The following UBASH3B variants were observed in gnomAD, a reference collection of about 807,000 sequenced individuals.
UBASH3B encodes ubiquitin associated and SH3 domain containing B, also known as ubiquitin-associated and SH3 domain-containing protein B.
Under a neutral mutation model 83.4 loss-of-function variants are expected in UBASH3B, and 37 were observed. The observed-to-expected ratio is 0.44, with a 90% CI of 0.34 to 0.58. UBASH3B has a LOEUF of 0.58. UBASH3B is among the 20% of genes least tolerant of loss of function. The pLI is 0.01. For synonymous variants in UBASH3B, 304 were observed against 318.3 expected, an observed-to-expected ratio of 0.96 and a Z score of 0.48; for missense variants, 657 against 827.2, an observed-to-expected ratio of 0.79 and a Z score of 2.52.
chr11:122,805,537 A>G (rs558766843), intron 11 of UBASH3B, among the ~76,000 whole-genome samples: 85 of 152,352 alleles, frequency 5.6e-4, no homozygotes, highest in Non-Finnish European at 9.3e-4. Flanking sequence ...AATCTCAAAA[A>G]TAAAACAACA....
chr11:122,666,952 C>T (rs747972118), intron 1 of UBASH3B, among the ~76,000 whole-genome samples: 7 of 151,846 alleles, frequency 4.6e-5, no homozygotes, highest in Non-Finnish European at 7.4e-5. Context: ...AAGGGGATTA[C>T]CCCAAATCAC....
chr11:122,783,218 A>T lies in UBASH3B; in HGVS notation c.767A>T (p.His256Leu). ...TCTCGGGATATCCGATTTGCTAACC[A>T]TGAGGTAATGTCTCACTGTGGTTCC... Reference protein sequence around the residue: ...IFSRDIRFANHETLQVIYPYT... With the variant: ...IFSRDIRFANLETLQVIYPYT... The change falls in exon 5 of 14, where the codon CAT becomes CTT. Residue 256 changes from histidine (H) to leucine (L), a missense_variant. This residue lies in a region of UBASH3B where 573 missense variants were observed against 739.0 expected (regional missense o/e 0.78). Transcript: ENST00000284273. The T allele has an allele frequency of 6.2e-7, 1 of 1,613,584 alleles. No individual in the cohort carries two copies. Among genetic ancestry groups the T allele is most frequent in the Non-Finnish European group, 8.5e-7 (1 of 1,179,688 alleles).
At chr11:122,722,841 G>T (rs151171245) in intron 1 of UBASH3B, among the ~76,000 whole-genome samples, 1 of 152,018 alleles carries the variant, frequency 6.6e-6, no homozygotes, top group Non-Finnish European at 1.5e-5. Flanking sequence ...GAGTAGCTGG[G>T]ACTACAGGTG....
chr11:122,768,539 T>A (rs894390422), intron 1 of UBASH3B, among the ~76,000 whole-genome samples: 2 of 151,348 alleles, frequency 1.3e-5, no homozygotes, highest in African/African-American at 4.9e-5. Context: ...TGAGCCTCAC[T>A]CTATCGCCCA....
rs141582950 is a variant in UBASH3B at position 122,798,853 on chromosome 11, A to T, written c.1358-89A>T. 4.1e-4 allele frequency: 398 copies of T among 966,016 alleles called. No individual in the cohort carries two copies. In the African/African-American group the frequency reaches 6.0e-3, roughly 15 times the overall value. 59.8% of individuals were successfully genotyped at this position (966,016 alleles called of 1,614,324 possible). On this transcript the variant is annotated intron_variant, in intron 9 of 13. Coordinates refer to ENST00000284273, the MANE Select transcript of UBASH3B (RefSeq NM_032873.5). ...CAGTTAGGAAAGAGGGGTTTACAGGAGCTTACTGCTTGGCCCCCTCTCACA... is the reference window on the plus strand; with the variant it reads ...CAGTTAGGAAAGAGGGGTTTACAGGTGCTTACTGCTTGGCCCCCTCTCACA...
chr11:122,660,226 G>A (rs749017268), intron 1 of UBASH3B, among the ~76,000 whole-genome samples: 1 of 152,116 alleles, frequency 6.6e-6, no homozygotes, highest in African/African-American at 2.4e-5. Context: ...ACTGCTATAG[G>A]AGAATTTGCC....
At chr11:122,685,706 G>A (rs1157920165) in intron 1 of UBASH3B, among the ~76,000 whole-genome samples, 1 of 152,100 alleles carries the variant, frequency 6.6e-6, no homozygotes, top group Non-Finnish European at 1.5e-5. Flanking sequence ...TTTTAGTAGA[G>A]ACGGGGTTTC....
At chr11:122,801,847 CAAT>C (rs1405001649) in intron 11 of UBASH3B, among the ~76,000 whole-genome samples, 2 of 152,130 alleles carry the variant, frequency 1.3e-5, no homozygotes, top group Non-Finnish European at 2.9e-5. Flanking sequence ...CCACACATAA[CAAT>C]AATAATAATA....
chr11:122,802,762 C>A (rs1223514418), intron 11 of UBASH3B, among the ~76,000 whole-genome samples: 1 of 152,094 alleles, frequency 6.6e-6, no homozygotes, highest in East Asian at 1.9e-4. Flanking sequence ...TTTGTTCTAT[C>A]CCCTCTCTGG....
At chr11:122,763,933 C>G (rs749087538) in intron 1 of UBASH3B, among the ~76,000 whole-genome samples, 25 of 152,186 alleles carry the variant, frequency 1.6e-4, no homozygotes, top group Non-Finnish European at 3.4e-4. Context: ...ACTGCCCAGG[C>G]TCTTTGCAAG....
At chr11:122,797,810 C>T (rs1861181023) in intron 9 of UBASH3B, among the ~76,000 whole-genome samples, 1 of 152,060 alleles carries the variant, frequency 6.6e-6, no homozygotes, top group Non-Finnish European at 1.5e-5. Context: ...GGAGGGACCA[C>T]ATAAAGAGTC....
chr11:122,801,100 G>T, intron 10 of UBASH3B, 88 bp from the exon 11 acceptor site: 1 of 1,506,824 alleles, frequency 6.6e-7, no homozygotes, highest in Non-Finnish European at 9.1e-7. Flanking sequence ...GTAGGAAAGA[G>T]AATAGCTGAT....
At chr11:122,685,108 T>C (rs1357264271) in intron 1 of UBASH3B, among the ~76,000 whole-genome samples, 1 of 152,244 alleles carries the variant, frequency 6.6e-6, no homozygotes, top group Non-Finnish European at 1.5e-5. Context: ...TCTGGGTCTT[T>C]TCCTTGGATT....
Position 122,790,658 on chromosome 11 carries a change from G to C in UBASH3B, c.980+1350G>C, listed in dbSNP as rs1379249386. The stretch of plus-strand genomic sequence containing the variant: ...TTATCAGATCTCTTTCTTAAAAGTG[G>C]GTGTATGGCCAGGTGCGGTGGCTCA... On this transcript the variant is annotated intron_variant, in intron 6 of 13. Coordinates refer to ENST00000284273, the MANE Select transcript of UBASH3B (RefSeq NM_032873.5). Among the ~76,000 whole-genome samples, 3 of 151,956 alleles carry C rather than the reference G, an allele frequency of 2.0e-5. No individual in the cohort carries two copies. The East Asian group carries it at 5.8e-4, about 29-fold the overall frequency.
At chr11:122,747,297 A>C (rs1021617880) in intron 1 of UBASH3B, among the ~76,000 whole-genome samples, 1 of 152,236 alleles carries the variant, frequency 6.6e-6, no homozygotes, top group African/African-American at 2.4e-5. Flanking sequence ...TCTTAGCAAG[A>C]GCTTATGCAC....
At chr11:122,786,534 G>A (rs756395798) in intron 5 of UBASH3B, among the ~76,000 whole-genome samples, 134 of 152,248 alleles carry the variant, frequency 8.8e-4, no homozygotes, top group Non-Finnish European at 1.5e-3. Flanking sequence ...GTACACACCT[G>A]TAGTCCCAGC....
At position 122,806,639 on chromosome 11, in the gene UBASH3B, C is replaced by A; in HGVS notation, c.1702+123C>A. 7.7e-7 allele frequency: 1 copy of A among 1,294,930 alleles called. No individual in the cohort carries two copies. The highest frequency in any genetic ancestry group is 1.0e-6 in the Non-Finnish European group (1 of 1,000,266). The allele number at this position is 1,294,930 out of a possible 1,614,324, so 80.2% of individuals were successfully genotyped here. On this transcript the variant is annotated intron_variant, in intron 12 of 13. Coordinates refer to ENST00000284273, the MANE Select transcript of UBASH3B (RefSeq NM_032873.5). The surrounding 1 kb of genome is among the most constrained non-coding windows in gnomAD (Gnocchi z 4.0). The stretch of plus-strand genomic sequence containing the variant: ...CCAAAGAAATGTATTTCCAGATTTT[C>A]TTCCAGATACTTTTACATTAAATTT...
rs375074358 is a variant in UBASH3B at position 122,656,242 on chromosome 11, C to T, written c.161+32C>T. ...GGCCGGGCTCGCAGCCCTCGGCGACCCCTCCCGCGCGCGCGGCCGGCCCTC... is the reference window on the plus strand; with the variant it reads ...GGCCGGGCTCGCAGCCCTCGGCGACTCCTCCCGCGCGCGCGGCCGGCCCTC... On this transcript the variant is annotated intron_variant, in intron 1 of 13. Coordinates refer to ENST00000284273, the MANE Select transcript of UBASH3B (RefSeq NM_032873.5). The T allele has an allele frequency of 8.7e-6, 12 of 1,375,328 alleles. No homozygotes were observed. The African/African-American group carries it at 1.2e-4, about 14-fold the overall frequency. The allele number at this position is 1,375,328 out of a possible 1,614,324, so 85.2% of individuals were successfully genotyped here.
intron 1 of UBASH3B, among the ~76,000 whole-genome samples, chr11:122,694,954 CTTTTTTTTT>C (rs71054088): frequency 6.9e-4 from 35 of 50,416 alleles, no homozygotes; most frequent in Non-Finnish European, 1.2e-3. Flanking sequence ...TCTTTTCTTT[CTTTTTTTTT>C]TTTTTTTTTT....
Sources: gnomAD v4.1 joint callset for allele counts (sites outside exome capture counted in the v4.1 genomes callset) on GRCh38, gnomAD v4.1.1 for gene constraint, gnomAD v4.1.1 regional missense constraint, Gnocchi (gnomAD v3.1) non-coding constraint, MANE v1.5 for transcripts, NCBI Gene and HGNC (gene_info 2026-07-23, HGNC 2026-07-21) for gene names.